Variants in TMF1 observed in about 807,000 individuals in gnomAD.
TMF1 encodes the protein TATA element modulatory factor.
In TMF1, 71 loss-of-function variants were observed where a neutral mutation model predicts 126.5. That is an observed-to-expected ratio of 0.56 (90% CI 0.46 to 0.68). TMF1 has a LOEUF of 0.68. Among genes scored for constraint, TMF1 ranks in the 30% least tolerant of loss-of-function variants. TMF1 has a pLI of 0.00. For synonymous variants in TMF1, 461 were observed against 430.5 expected (o/e 1.07, Z -0.88); for missense variants, 1,259 against 1,253.2 (o/e 1.00, Z -0.07).
At position 69,022,013 on chromosome 3, in the gene TMF1, G is replaced by A. The variant is rs1242280655; in HGVS notation, c.*1164C>T. The A allele has an allele frequency of 6.6e-6, 1 of 152,540 alleles. No homozygotes were observed. Among genetic ancestry groups the A allele is most frequent in the Non-Finnish European group, 1.5e-5 (1 of 68,016 alleles). The allele number at this position is 152,540 out of a possible 1,614,324, so 9.4% of individuals were successfully genotyped here. A position where few individuals can be genotyped will look rare whatever the true frequency, so the allele number is the denominator to read the frequency against. ...ATGAGAGTTTTTATGTGCAAGTAAA[G>A]GCAGTTAAATAACTTTCAGTAATAA... On this transcript the variant is annotated 3_prime_UTR_variant, in exon 17 of 17. Transcript: ENST00000398559.
Position 69,023,197 on chromosome 3 carries a change from A to G in TMF1, c.3262T>C (p.Leu1088=). The G allele has an allele frequency of 6.2e-7, 1 of 1,611,034 alleles. No homozygotes were observed. Among genetic ancestry groups the G allele is most frequent in the Non-Finnish European group, 8.5e-7 (1 of 1,178,206 alleles). Residue 1088 remains leucine, a synonymous_variant, in exon 17 of 17, where the codon TTA becomes CTA. Coordinates refer to ENST00000398559, the MANE Select transcript of TMF1 (RefSeq NM_007114.3). ...NMYKTQIDEL[L]RQSLS is the part of the protein sequence containing the mutation. ...ACAAGTTAACTGAGACTTTGTCTTA[A>G]AAGTTCATCTATTTGAGTTTTGTAC...
At position 69,025,579 on chromosome 3, in the gene TMF1, C is replaced by G; in HGVS notation, c.2993G>C (p.Gly998Ala). The change falls in exon 15 of 17, where the codon GGG becomes GCG. Residue 998 changes from glycine (G) to alanine (A), a missense_variant. Transcript: ENST00000398559. Reference sequence around the variant, plus strand: ...CAATACCTGTAAATGAGTGATTTCCCCTTCCCTTAGCTTTAGCTGAGACTG... The same window carrying G: ...CAATACCTGTAAATGAGTGATTTCCGCTTCCCTTAGCTTTAGCTGAGACTG... ...NLQSQLKLRE[G>A]EITHLQLEIG... 6.2e-7 allele frequency: 1 copy of G among 1,612,226 alleles called. No individual in the cohort carries two copies. The highest frequency in any genetic ancestry group is 8.5e-7 in the Non-Finnish European group (1 of 1,179,274).
chr3:69,034,882 C>T (rs1424345210), intron 9 of TMF1, 141 bp downstream of exon 9: 2 of 728,036 alleles, frequency 2.7e-6, no homozygotes, highest in Admixed American at 2.4e-5. Flanking sequence ...GATTTATTCA[C>T]ACAAGCCACA....
chr3:69,047,665 T>A lies in TMF1; in HGVS notation c.1040A>T (p.Glu347Val). 6.2e-7 allele frequency: 1 copy of A among 1,614,162 alleles called. No homozygotes were observed. The highest frequency in any genetic ancestry group is 8.5e-7 in the Non-Finnish European group (1 of 1,180,018). The change falls in exon 2 of 17, where the codon GAA becomes GTA. Residue 347 changes from glutamate to valine, a missense_variant. Coordinates refer to ENST00000398559, the MANE Select transcript of TMF1 (RefSeq NM_007114.3). ...RSVSEINSDDELSGKGYALVP... is the reference protein window; with the variant it reads ...RSVSEINSDDVLSGKGYALVP... The stretch of plus-strand genomic sequence containing the variant: ...TAAAGCATATCCCTTGCCTGACAAT[T>A]CATCATCTGAATTGATTTCACTTAC...
Position 69,030,564 on chromosome 3 carries a change from C to T in TMF1, c.2402-557G>A, listed in dbSNP as rs2091794988. 3 of 152,004 alleles carry T rather than the reference C, an allele frequency of 2.0e-5. No homozygotes were observed. The South Asian group carries it at 6.2e-4, about 32-fold the overall frequency. The allele number at this position is 152,004 out of a possible 1,614,324, so 9.4% of individuals were successfully genotyped here. A position where few individuals can be genotyped will look rare whatever the true frequency, so the allele number is the denominator to read the frequency against. ...AGAGTGAGAGCAAATAAATGCAAACCATATATCTAGGATTAGTATCAGGAA... is the reference window on the plus strand; with the variant it reads ...AGAGTGAGAGCAAATAAATGCAAACTATATATCTAGGATTAGTATCAGGAA... On this transcript the variant is annotated intron_variant, in intron 10 of 16. Transcript: ENST00000398559.
chr3:69,027,811 T>A, intron 13 of TMF1, 89 bp downstream of exon 13: 1 of 674,942 alleles, frequency 1.5e-6, no homozygotes, highest in Non-Finnish European at 2.5e-6. Context: ...AAGCTTGTTA[T>A]AAAGCATAGC....
rs2107461281 is a variant in TMF1 at position 69,035,106 on chromosome 3, G to A, written c.2161C>T (p.Leu721Phe). 3.1e-6 allele frequency: 5 copies of A among 1,613,916 alleles called. No individual in the cohort carries two copies. In the African/African-American group the frequency reaches 6.7e-5, roughly 22 times the overall value. Residue 721 changes from leucine (L) to phenylalanine (F), a missense_variant, in exon 9 of 17, where the codon CTT (leucine) becomes TTT (phenylalanine). Transcript: ENST00000398559. The stretch of plus-strand genomic sequence containing the variant: ...TCTGTACGCTGCAATGCAAGCCTAA[G>A]GTCCCCCACCTGTAGGAGGAGAAAC... ...QETLAIQVGD[L>F]RLALQRTEQA...
chr3:69,050,778 T>C (rs943945133), intron 1 of TMF1, among the ~76,000 whole-genome samples: 1 of 152,202 alleles, frequency 6.6e-6, no homozygotes, highest in Non-Finnish European at 1.5e-5. Context: ...TCCTGACTTT[T>C]CAATGATGTA....
intron 1 of TMF1, among the ~76,000 whole-genome samples, chr3:69,049,261 C>G (rs986415567): frequency 1.3e-5 from 2 of 152,212 alleles, no homozygotes; most frequent in Non-Finnish European, 1.5e-5. Context: ...GTGGTCCCAG[C>G]TACTCAGGAG....
Position 69,029,954 on chromosome 3 carries a change from C to T in TMF1, c.2455G>A (p.Glu819Lys). 6.2e-7 allele frequency: 1 copy of T among 1,614,164 alleles called. No homozygotes were observed. The highest frequency in any genetic ancestry group is 1.1e-5 in the South Asian group (1 of 91,088). The change falls in exon 11 of 17, where the codon GAA becomes AAA. Residue 819 changes from glutamate (E) to lysine (K), a missense_variant. Physicochemically the swap from Glu to Lys is moderately conservative, Grantham distance 56 (BLOSUM62 1). Transcript: ENST00000398559. ...AAVERERAATEELLANKIQMS... is the reference protein window; with the variant it reads ...AAVERERAATKELLANKIQMS... ...TGAATTTTGTTAGCAAGGAGTTCTT[C>T]TGTAGCTGCACGTTCTCTCTCAACT...
chr3:69,042,694 C>G (rs2091874154), intron 5 of TMF1, 113 bp downstream of exon 5: 1 of 868,546 alleles, frequency 1.2e-6, no homozygotes, highest in Admixed American at 1.9e-5. Context: ...TGGTTTACGT[C>G]CAAACCCTCC....
intron 2 of TMF1, 33 bp downstream of exon 2, chr3:69,047,325 C>T (rs751189467): frequency 1.3e-6 from 2 of 1,515,176 alleles, no homozygotes; most frequent in Non-Finnish European, 1.8e-6. Flanking sequence ...CCAAAAAGCA[C>T]ATCTAAAAAT....
Position 69,023,181 on chromosome 3 carries a change from C to G in TMF1, c.3278G>C (p.Ser1093Thr). 1 of 1,609,434 alleles carries G rather than the reference C, an allele frequency of 6.2e-7. No individual in the cohort carries two copies. The highest frequency in any genetic ancestry group is 8.5e-7 in the Non-Finnish European group (1 of 1,177,166). The part of the protein sequence containing the change: ...QIDELLRQSL[S>T] ...TGGGAATTCAATTTTCACAAGTTAA[C>G]TGAGACTTTGTCTTAAAAGTTCATC... The change falls in exon 17 of 17, where the codon AGT becomes ACT. Residue 1093 changes from serine to threonine, a missense_variant. By Grantham distance (58) the Ser-to-Thr change is moderately conservative. Transcript: ENST00000398559.
At chr3:69,042,737 G>C in intron 5 of TMF1, 70 bp downstream of exon 5, 2 of 1,254,778 alleles carry the variant, frequency 1.6e-6, no homozygotes, top group Non-Finnish European at 1.2e-6. Flanking sequence ...GGAAGCATCA[G>C]CTAGTTATGT....
intron 1 of TMF1, among the ~76,000 whole-genome samples, chr3:69,050,158 G>A (rs1047339446): frequency 1.3e-5 from 2 of 151,676 alleles, no homozygotes; most frequent in Non-Finnish European, 2.9e-5. Context: ...TACTCGGGAG[G>A]TTGAGGCACG....
At chr3:69,036,653 T>C (rs957506496) in intron 8 of TMF1, among the ~76,000 whole-genome samples, 4 of 152,212 alleles carry the variant, frequency 2.6e-5, no homozygotes, top group African/African-American at 7.2e-5. Flanking sequence ...AATGTCTGAA[T>C]AGATTTTGCT....
At chr3:69,030,192 T>C (rs528728450) in intron 10 of TMF1, 185 bp from the exon 11 acceptor site, 5 of 466,786 alleles carry the variant, frequency 1.1e-5, no homozygotes, top group Non-Finnish European at 1.9e-5. Context: ...ACCTGCTTTA[T>C]CACTCTTTTC....
chr3:69,025,579 C>T lies in TMF1; in HGVS notation c.2993G>A (p.Gly998Glu). Residue 998 changes from glycine (G) to glutamate (E), a missense_variant, in exon 15 of 17, where the codon GGG becomes GAG. Transcript: ENST00000398559. ...CAATACCTGTAAATGAGTGATTTCCCCTTCCCTTAGCTTTAGCTGAGACTG... is the reference window on the plus strand; with the variant it reads ...CAATACCTGTAAATGAGTGATTTCCTCTTCCCTTAGCTTTAGCTGAGACTG... ...NLQSQLKLRE[G>E]EITHLQLEIG... 6.2e-7 allele frequency: 1 copy of T among 1,612,226 alleles called. No individual in the cohort carries two copies. The highest frequency in any genetic ancestry group is 1.1e-5 in the South Asian group (1 of 90,666).
In TMF1 at chr3:69,048,417, G is replaced by A; in HGVS notation, c.288C>T (p.Phe96=). The change falls in exon 2 of 17, where the codon TTC becomes TTT. Residue 96 remains phenylalanine, a synonymous_variant. Transcript: ENST00000398559. ...CAGTTGGCGAGAGAAAGGCACTGAA[G>A]AAATTTTCAGATTCATCGACCACAG... ...RRTVVDESEN[F]FSAFLSPTDV... 6.2e-7 allele frequency: 1 copy of A among 1,614,156 alleles called. No homozygotes were observed. The highest frequency in any genetic ancestry group is 1.1e-5 in the South Asian group (1 of 91,086).
Sources: allele counts gnomAD v4.1 joint callset (sites outside exome capture counted in the v4.1 genomes callset), GRCh38; gene constraint gnomAD v4.1.1; transcripts MANE v1.5; gene names NCBI Gene and HGNC (gene_info 2026-07-23, HGNC 2026-07-21).